AR: variants seen among roughly 807,000 people sequenced by gnomAD.
The protein encoded by AR is androgen receptor.
In AR, 8 loss-of-function variants were observed where a neutral mutation model predicts 53.9. The observed-to-expected ratio is 0.15, with a 90% confidence interval of 0.09 to 0.27. The LOEUF is 0.27. Among genes scored for constraint, AR ranks in the 10% least tolerant of loss-of-function variants. AR has a pLI of 1.00. For missense variants in AR, 639 were observed against 742.5 expected, an observed-to-expected ratio of 0.86 and a Z score of 1.62; for synonymous variants, 359 against 316.4, an observed-to-expected ratio of 1.13 and a Z score of -1.43.
rs773692090 is a variant in AR, at chrX:67,546,358, G to A, written c.1212G>A (p.Ala404=). The change falls in exon 1 of 8, where the codon GCG becomes GCA. Residue 404 remains alanine, a synonymous_variant. Transcript: ENST00000374690. ...DYGSAWAAAA[A]QCRYGDLASL... is the part of the protein sequence containing the mutation. ...GCAGCGCCTGGGCGGCTGCGGCGGC[G>A]CAGTGCCGCTATGGGGACCTGGCGA... 7.6e-6 allele frequency: 9 copies of A among 1,184,737 alleles called. No homozygotes were observed. Among genetic ancestry groups the A allele is most frequent in the African/African-American group, 1.8e-5 (1 of 56,760 alleles).
chrX:67,715,928 A>ACTT (rs2076111199), intron 4 of AR, among the ~76,000 whole-genome samples: 1 of 111,839 alleles, frequency 8.9e-6, no homozygotes, highest in African/African-American at 3.3e-5. Context: ...TGCCTTTATA[A>ACTT]CTTTAAGCAT....
At chrX:67,600,592 G>T (rs1285459436) in intron 1 of AR, among the ~76,000 whole-genome samples, 2 of 110,278 alleles carry the variant, frequency 1.8e-5, no homozygotes, top group African/African-American at 6.6e-5. Context: ...CATGTTTAAT[G>T]GGCACAAAAA....
intron 1 of AR, among the ~76,000 whole-genome samples, chrX:67,564,448 C>T (rs1405326532): frequency 8.9e-6 from 1 of 111,816 alleles, no homozygotes; most frequent in Non-Finnish European, 1.9e-5. Flanking sequence ...AAGGAGCAGT[C>T]GTACCAGTGT....
chrX:67,672,273 G>C (rs1602243901), intron 2 of AR, among the ~76,000 whole-genome samples: 1 of 110,987 alleles, frequency 9.0e-6, no homozygotes, highest in Admixed American at 9.6e-5. Context: ...GCTCCATCCA[G>C]GTGTCTTGTT....
chrX:67,643,029 C>A (rs1343160598), intron 1 of AR, among the ~76,000 whole-genome samples: 1 of 111,808 alleles, frequency 8.9e-6, no homozygotes, highest in Non-Finnish European at 1.9e-5. Flanking sequence ...ATTGGCTAAT[C>A]CCAGAGAACT....
intron 1 of AR, among the ~76,000 whole-genome samples, chrX:67,587,341 T>G (rs1266006963): frequency 8.9e-6 from 1 of 112,686 alleles, no homozygotes; most frequent in East Asian, 2.8e-4. Context: ...TCATTTCATT[T>G]ATTTGGCTAT....
chrX:67,678,418 A>G (rs1424051131), intron 2 of AR, among the ~76,000 whole-genome samples: 2 of 112,171 alleles, frequency 1.8e-5, no homozygotes, highest in Non-Finnish European at 3.8e-5. Flanking sequence ...TGCCTGGCTT[A>G]TTTCACTTAG....
chrX:67,633,744 G>A (rs1351144037), intron 1 of AR, among the ~76,000 whole-genome samples: 2 of 111,583 alleles, frequency 1.8e-5, no homozygotes, highest in Non-Finnish European at 3.8e-5. Context: ...AAGAAATGAA[G>A]TACTCATACA....
chrX:67,717,587 G>T lies in AR; in HGVS notation c.2283G>T (p.Arg761Ser), dbSNP rs2076118894. 2 of 1,212,244 alleles carry T rather than the reference G, an allele frequency of 1.6e-6. No homozygotes were observed. The highest frequency in any genetic ancestry group is 2.2e-6 in the Non-Finnish European group (2 of 895,634). ...GATCCTTCACCAATGTCAACTCCAGGATGCTCTACTTCGCCCCTGATCTGG... is the reference window on the plus strand; with the variant it reads ...GATCCTTCACCAATGTCAACTCCAGTATGCTCTACTTCGCCCCTGATCTGG... ...GWRSFTNVNS[R>S]MLYFAPDLVF... The change falls in exon 5 of 8, where the codon AGG becomes AGT. Residue 761 changes from arginine (R) to serine (S), a missense_variant. Physicochemically the swap from Arg to Ser is moderately radical, Grantham distance 110. Around this residue, in one of 5 missense-constraint regions of AR, gnomAD observed 95 missense variants for 196.4 expected, o/e 0.48. Transcript: ENST00000374690.
intron 5 of AR, among the ~76,000 whole-genome samples, chrX:67,718,936 A>C (rs927110588): frequency 9.0e-6 from 1 of 111,682 alleles, no homozygotes; most frequent in African/African-American, 3.3e-5. Flanking sequence ...CCTCGATGGC[A>C]TTGTGAATGG....
chrX:67,545,076 T>G lies in AR; in HGVS notation c.-71T>G, dbSNP rs1323748382. On this transcript the variant is annotated 5_prime_UTR_variant, in exon 1 of 8. Coordinates refer to ENST00000374690, the MANE Select transcript of AR (RefSeq NM_000044.6). ...CGACTACCGCATCATCACAGCCTGT[T>G]GAACTCTTCTGAGCAAGAGAAGGGG... The G allele has an allele frequency of 2.7e-6, 3 of 1,124,763 alleles. No homozygotes were observed. Among genetic ancestry groups the G allele is most frequent in the Non-Finnish European group, 3.5e-6 (3 of 851,757 alleles). 92.7% of individuals were successfully genotyped at this position (1,124,763 alleles called of 1,213,427 possible).
At chrX:67,585,815 T>A (rs1922515449) in intron 1 of AR, among the ~76,000 whole-genome samples, 1 of 112,311 alleles carries the variant, frequency 8.9e-6, no homozygotes, top group African/African-American at 3.2e-5. Context: ...CCAAAGCACA[T>A]AAATCACCAC....
intron 1 of AR, among the ~76,000 whole-genome samples, chrX:67,641,920 T>G (rs1447320799): frequency 1.9e-5 from 2 of 103,957 alleles, no homozygotes; most frequent in African/African-American, 7.0e-5. Context: ...AGGCCATTGG[T>G]GGAAAGTAAA....
intron 2 of AR, among the ~76,000 whole-genome samples, chrX:67,663,138 T>G (rs929120026): frequency 9.0e-6 from 1 of 111,544 alleles, no homozygotes; most frequent in East Asian, 2.8e-4. Context: ...AAGGTTAATA[T>G]TGTTATGTGT....
At chrX:67,691,056 C>A (rs966820267) in intron 3 of AR, among the ~76,000 whole-genome samples, 2 of 112,136 alleles carry the variant, frequency 1.8e-5, no homozygotes, top group African/African-American at 6.5e-5. Context: ...TGTTTATTTG[C>A]ATGTTTCTTT....
intron 1 of AR, among the ~76,000 whole-genome samples, chrX:67,635,637 C>T (rs1171722832): frequency 4.5e-5 from 5 of 110,523 alleles, no homozygotes; most frequent in African/African-American, 1.6e-4. Context: ...CCAAGGTTTC[C>T]TAAGCCCAAG....
At chrX:67,694,810 G>GCT in intron 3 of AR, 1 of 1,121,531 alleles carries the variant, frequency 8.9e-7, no homozygotes, top group South Asian at 2.1e-5. Flanking sequence ...AGGCTTAGGA[G>GCT]CTTAGGTTTT....
intron 1 of AR, among the ~76,000 whole-genome samples, chrX:67,576,675 G>T (rs1025462828): frequency 9.0e-6 from 1 of 110,785 alleles, no homozygotes; most frequent in Non-Finnish European, 1.9e-5. Flanking sequence ...CAGAAATAAA[G>T]GATTTTATTT....
At chrX:67,643,502 A>G in intron 2 of AR, 95 bp downstream of exon 2, 1 of 1,085,642 alleles carries the variant, frequency 9.2e-7, no homozygotes, top group Admixed American at 2.6e-5. Flanking sequence ...TTATCATCTC[A>G]GAAATAGAGT....
Sources: gnomAD v4.1 joint callset for allele counts (sites outside exome capture counted in the v4.1 genomes callset) on GRCh38, gnomAD v4.1.1 for gene constraint, gnomAD v4.1.1 regional missense constraint, MANE v1.5 for transcripts, NCBI Gene and HGNC (gene_info 2026-07-23, HGNC 2026-07-21) for gene names.